Variants in DPH6 observed in about 807,000 individuals in gnomAD.
The protein encoded by DPH6 is diphthine--ammonia ligase.
DPH6 carries 33 observed loss-of-function variants against 38.2 expected under a neutral mutation model. That is an observed-to-expected ratio of 0.86 (90% CI 0.65 to 1.15). The LOEUF is 1.15. Ranked by LOEUF, DPH6 falls within the 50% of genes most tolerant of loss-of-function variation. The pLI is 0.00. For synonymous variants in DPH6, 108 were observed against 103.0 expected, an observed-to-expected ratio of 1.05 and a Z score of -0.30; for missense variants, 325 against 320.0, an observed-to-expected ratio of 1.02 and a Z score of -0.12.
chr15:35,150,744 G>A, the DPH6 span, among the ~76,000 whole-genome samples: 1 of 152,052 alleles, frequency 6.6e-6, no homozygotes, highest in Non-Finnish European at 1.5e-5. Context: ...AAAGATTCAG[G>A]CCCCAGTGTT....
At chr15:35,515,625 G>A (rs147240936) in intron 3 of DPH6, among the ~76,000 whole-genome samples, 2,754 of 151,788 alleles carry the variant, frequency 0.018, 87 homozygotes, top group African/African-American at 0.062. Flanking sequence ...GGAGGCTGAG[G>A]CGGGAGAATG....
At chr15:35,301,774 A>G (rs1283071019) in intron 3 of DPH6, among the ~76,000 whole-genome samples, 1 of 152,104 alleles carries the variant, frequency 6.6e-6, no homozygotes, top group African/African-American at 2.4e-5. Flanking sequence ...GGAGTTTGAG[A>G]CCGGCCTGGC....
intron 6 of DPH6, among the ~76,000 whole-genome samples, chr15:35,406,475 C>G (rs544327199): frequency 7.2e-5 from 11 of 151,926 alleles, no homozygotes; most frequent in Non-Finnish European, 1.2e-4. Context: ...GGACTGTGGA[C>G]AATTGACTGA....
intron 3 of DPH6, among the ~76,000 whole-genome samples, chr15:35,321,547 T>C (rs1421690080): frequency 6.6e-6 from 1 of 152,248 alleles, no homozygotes; most frequent in African/African-American, 2.4e-5. Flanking sequence ...TCTGTGGTTT[T>C]GATAATGTTT....
At chr15:35,215,979 T>C (rs768357217), downstream of DPH6, among the ~76,000 whole-genome samples, 5 of 152,234 alleles carry the variant, frequency 3.3e-5, no homozygotes, top group Admixed American at 6.5e-5. Context: ...TCTTTGGCTC[T>C]AGTACTTGAT....
intron 3 of DPH6, among the ~76,000 whole-genome samples, chr15:35,498,145 T>G (rs1385823114): frequency 6.6e-6 from 1 of 152,178 alleles, no homozygotes; most frequent in Non-Finnish European, 1.5e-5. Flanking sequence ...TTCCCTCAGT[T>G]CTGAAATTAA....
the DPH6 span, among the ~76,000 whole-genome samples, chr15:35,197,962 G>A: frequency 1.3e-5 from 2 of 152,002 alleles, no homozygotes; most frequent in Non-Finnish European, 2.9e-5. Flanking sequence ...TTTTTGCATA[G>A]ACGACTAGAA....
chr15:35,295,631 A>C (rs553044792), intron 3 of DPH6, among the ~76,000 whole-genome samples: 1 of 152,272 alleles, frequency 6.6e-6, no homozygotes, highest in Admixed American at 6.5e-5. Flanking sequence ...TCTGAATTCT[A>C]CAATACCAAC....
intron 3 of DPH6, among the ~76,000 whole-genome samples, chr15:35,267,536 G>A (rs2051790835): frequency 6.6e-6 from 1 of 152,098 alleles, no homozygotes; most frequent in Admixed American, 6.5e-5. Flanking sequence ...TAGCTTCCGG[G>A]GAATTCTAAT....
chr15:35,394,642 C>T (rs1454162471), intron 6 of DPH6, among the ~76,000 whole-genome samples: 1 of 152,166 alleles, frequency 6.6e-6, no homozygotes, highest in African/African-American at 2.4e-5. Context: ...CATTCAAATC[C>T]TGGCTGTCAC....
intron 3 of DPH6, among the ~76,000 whole-genome samples, chr15:35,321,854 T>C (rs1396312056): frequency 6.6e-6 from 1 of 152,186 alleles, no homozygotes; most frequent in African/African-American, 2.4e-5. Flanking sequence ...ATTCTGGCAT[T>C]GTAGTAGAGA....
chr15:35,479,332 C>T (rs1262382510), intron 3 of DPH6, among the ~76,000 whole-genome samples: 1 of 152,064 alleles, frequency 6.6e-6, no homozygotes, highest in Non-Finnish European at 1.5e-5. Flanking sequence ...CCCACTGAAT[C>T]TTAAAGTTTT....
chr15:35,520,280 T>C, intron 3 of DPH6: 1 of 964,194 alleles, frequency 1.0e-6, no homozygotes, highest in Non-Finnish European at 1.2e-6. Context: ...TCGCCTATTT[T>C]AAGCATAATT....
At chr15:35,279,048 CAA>C (rs71123126) in intron 3 of DPH6, among the ~76,000 whole-genome samples, 3 of 70,672 alleles carry the variant, frequency 4.2e-5, no homozygotes, top group African/African-American at 2.0e-4. Context: ...GACTCTGTCT[CAA>C]AAAAAAAAAA....
chr15:35,196,301 A>G, the DPH6 span, among the ~76,000 whole-genome samples: 1 of 152,188 alleles, frequency 6.6e-6, no homozygotes, highest in Non-Finnish European at 1.5e-5. Flanking sequence ...AAAATCCCTA[A>G]AACTTTGGCA....
the DPH6 span, among the ~76,000 whole-genome samples, chr15:35,197,589 C>T: frequency 6.6e-6 from 1 of 152,216 alleles, no homozygotes; most frequent in African/African-American, 2.4e-5. Context: ...TTATTTTACA[C>T]ATGGAATATG....
At chr15:35,402,285 G>A (rs2053230581) in intron 6 of DPH6, among the ~76,000 whole-genome samples, 1 of 152,078 alleles carries the variant, frequency 6.6e-6, no homozygotes, top group Admixed American at 6.6e-5. Flanking sequence ...GATAGTTACT[G>A]TTGTGACCTG....
At chr15:35,493,973 CA>C (rs1481095150) in intron 3 of DPH6, among the ~76,000 whole-genome samples, 1 of 152,082 alleles carries the variant, frequency 6.6e-6, no homozygotes, top group African/African-American at 2.4e-5. Flanking sequence ...CCTTCCAGAG[CA>C]GACTCTGGAA....
chr15:35,189,232 T>C, the DPH6 span, among the ~76,000 whole-genome samples: 2,161 of 152,348 alleles, frequency 0.014, 46 homozygotes, highest in African/African-American at 0.05. Context: ...GGTATGTCTC[T>C]TGGTGTCCTT....
Sources: allele counts gnomAD v4.1 joint callset (sites outside exome capture counted in the v4.1 genomes callset), GRCh38; gene constraint gnomAD v4.1.1; transcripts MANE v1.5; gene names NCBI Gene and HGNC (gene_info 2026-07-23, HGNC 2026-07-21).